The following CREB5 variants were observed in gnomAD, a reference collection of about 807,000 sequenced individuals.
CREB5 encodes cAMP responsive element binding protein 5.
Under a neutral mutation model 57.1 loss-of-function variants are expected in CREB5, and 19 were observed. That is an observed-to-expected ratio of 0.33 (90% confidence interval 0.23 to 0.49). The LOEUF (loss-of-function observed/expected upper bound fraction) is 0.49. CREB5 is among the 20% of genes least tolerant of loss of function. The pLI, the probability that CREB5 is intolerant of heterozygous loss-of-function variation, is 0.99. For synonymous variants in CREB5, 238 were observed against 238.3 expected, an observed-to-expected ratio of 1.00 and a Z score of 0.01; for missense variants, 579 against 671.6, an observed-to-expected ratio of 0.86 and a Z score of 1.52.
At position 28,517,842 on chromosome 7, in the gene CREB5, T is replaced by C. The variant is rs368017991; in HGVS notation, c.291+10105T>C. 6.6e-5 allele frequency among the ~76,000 whole-genome samples: 10 copies of C among 152,286 alleles called. 1 individual carries two copies. The South Asian group carries it at 1.9e-3, about 28-fold the overall frequency. On this transcript the variant is annotated intron_variant, in intron 4 of 10. Transcript: ENST00000357727. ...TTCTGTGTGACCAGTCCAGTCCTCT[T>C]GTTTGGTTCTCGGGTGAAGCAGAAT... is the stretch of plus-strand genomic sequence containing the variant.
intron 1 of CREB5, among the ~76,000 whole-genome samples, chr7:28,476,069 C>T (rs562180693): frequency 9.8e-5 from 15 of 152,286 alleles, no homozygotes; most frequent in African/African-American, 2.4e-4. Flanking sequence ...GAAAAACAAA[C>T]GAACAGACCA....
intron 7 of CREB5, among the ~76,000 whole-genome samples, chr7:28,788,401 G>A (rs1245100376): frequency 2.0e-5 from 3 of 152,176 alleles, no homozygotes; most frequent in Non-Finnish European, 4.4e-5. Flanking sequence ...GTTACCAACT[G>A]AAAACACTAG....
chr7:28,425,589 T>C (rs1788475246), intron 1 of CREB5, among the ~76,000 whole-genome samples: 1 of 152,216 alleles, frequency 6.6e-6, no homozygotes, highest in Non-Finnish European at 1.5e-5. Flanking sequence ...TTGTATGGTA[T>C]GTGAATTAGG....
At chr7:28,427,269 C>T (rs991507683) in intron 1 of CREB5, among the ~76,000 whole-genome samples, 2 of 152,186 alleles carry the variant, frequency 1.3e-5, no homozygotes, top group African/African-American at 4.8e-5. Flanking sequence ...GCTTCCTTCA[C>T]TTAAAACTAT....
At chr7:28,735,205 A>C (rs572145333) in intron 7 of CREB5, among the ~76,000 whole-genome samples, 5 of 152,058 alleles carry the variant, frequency 3.3e-5, no homozygotes, top group Non-Finnish European at 7.4e-5. Flanking sequence ...TTCTAAGCTT[A>C]AGCTTTCTGA....
At chr7:28,357,606 T>G (rs1345698228) in intron 1 of CREB5, among the ~76,000 whole-genome samples, 1 of 152,240 alleles carries the variant, frequency 6.6e-6, no homozygotes, top group African/African-American at 2.4e-5. Context: ...TCTTTTCCTT[T>G]TCCTGCTAGG....
chr7:28,304,628 T>C (rs1239857799), intron 1 of CREB5, among the ~76,000 whole-genome samples: 4 of 152,186 alleles, frequency 2.6e-5, no homozygotes, highest in African/African-American at 4.8e-5. Flanking sequence ...TGCATAAAGA[T>C]GAATGTTTTT....
intron 1 of CREB5, among the ~76,000 whole-genome samples, chr7:28,452,093 C>T (rs1466449448): frequency 6.6e-6 from 1 of 152,160 alleles, no homozygotes; most frequent in African/African-American, 2.4e-5. Context: ...CCATCTTAGA[C>T]TGGCGATTTC....
At chr7:28,470,322 G>A (rs921059110) in intron 1 of CREB5, among the ~76,000 whole-genome samples, 7 of 152,120 alleles carry the variant, frequency 4.6e-5, no homozygotes, top group African/African-American at 1.2e-4. Context: ...GAGAACATGC[G>A]ATGTTTGTCT....
chr7:28,632,068 G>A (rs1444388258), intron 5 of CREB5, among the ~76,000 whole-genome samples: 1 of 152,206 alleles, frequency 6.6e-6, no homozygotes, highest in Non-Finnish European at 1.5e-5. Context: ...ATAGAAAATA[G>A]CACTGGCCAC....
intron 9 of CREB5, among the ~76,000 whole-genome samples, chr7:28,810,589 A>T (rs1044689466): frequency 1.3e-5 from 2 of 152,140 alleles, no homozygotes; most frequent in African/African-American, 4.8e-5. Context: ...CCAGCTACTC[A>T]GGAGGCTGAA....
intron 1 of CREB5, among the ~76,000 whole-genome samples, chr7:28,312,383 G>T (rs748186512): frequency 1.5e-4 from 23 of 152,154 alleles, no homozygotes; most frequent in Non-Finnish European, 2.6e-4. Context: ...TTTCACAGAG[G>T]GGGAGGCACA....
chr7:28,324,982 C>T (rs117222535), intron 1 of CREB5, among the ~76,000 whole-genome samples: 4,419 of 152,294 alleles, frequency 0.029, 132 homozygotes, highest in Admixed American at 0.078. Flanking sequence ...GACTTGTCAA[C>T]GCTTCTTTCA....
chr7:28,719,128 A>C (rs931896160), intron 6 of CREB5, among the ~76,000 whole-genome samples: 4 of 152,104 alleles, frequency 2.6e-5, no homozygotes, highest in African/African-American at 9.7e-5. Context: ...GGCCTGTGAC[A>C]CCCAGGGAAT....
At chr7:28,789,317 A>G (rs1020511889) in intron 7 of CREB5, among the ~76,000 whole-genome samples, 4 of 152,208 alleles carry the variant, frequency 2.6e-5, no homozygotes, top group Non-Finnish European at 5.9e-5. Context: ...GAAATGAACA[A>G]AGTTGATTTA....
At chr7:28,422,431 G>C (rs1402639583) in intron 1 of CREB5, among the ~76,000 whole-genome samples, 7 of 152,044 alleles carry the variant, frequency 4.6e-5, no homozygotes, top group African/African-American at 1.5e-4. Flanking sequence ...TAAGAAGGAG[G>C]GCTGGACCAG....
intron 7 of CREB5, among the ~76,000 whole-genome samples, chr7:28,796,779 T>C (rs1373036809): frequency 6.6e-6 from 1 of 152,224 alleles, no homozygotes; most frequent in African/African-American, 2.4e-5. Flanking sequence ...TGAAGAATCA[T>C]GCCCTCCTTT....
intron 1 of CREB5, among the ~76,000 whole-genome samples, chr7:28,457,547 CA>C (rs1367853962): frequency 6.6e-5 from 10 of 152,126 alleles, no homozygotes; most frequent in Non-Finnish European, 1.3e-4. Context: ...AGATGAGAAG[CA>C]AATAAAATGA....
chr7:28,673,284 C>T (rs574285794), intron 5 of CREB5, among the ~76,000 whole-genome samples: 2 of 152,272 alleles, frequency 1.3e-5, no homozygotes, highest in South Asian at 2.1e-4. Context: ...TCTAAAAGGA[C>T]CTCCCCATTT....
Sources: allele counts gnomAD v4.1 joint callset (sites outside exome capture counted in the v4.1 genomes callset), GRCh38; gene constraint gnomAD v4.1.1; transcripts MANE v1.5; gene names NCBI Gene and HGNC (gene_info 2026-07-23, HGNC 2026-07-21).